Variants in ADAMTS20 observed in about 807,000 individuals in gnomAD.
ADAMTS20 encodes the protein A disintegrin and metalloproteinase with thrombospondin motifs 20.
A neutral mutation model predicts 260.1 loss-of-function variants in ADAMTS20; 225 were observed. That is an observed-to-expected ratio of 0.87 (90% CI 0.78 to 0.97). The LOEUF (loss-of-function observed/expected upper bound fraction) is 0.97. Among genes scored for constraint, ADAMTS20 ranks in the 50% least tolerant of loss-of-function variants. The pLI, the probability that ADAMTS20 is intolerant of heterozygous loss-of-function variation, is 0.00. For missense variants in ADAMTS20, 2,400 were observed against 2,337.7 expected (o/e 1.03, Z -0.55); for synonymous variants, 802 against 769.5 (o/e 1.04, Z -0.70).
At chr12:43,398,916 G>T in intron 29 of ADAMTS20, 150 bp downstream of exon 29, 1 of 411,580 alleles carries the variant, frequency 2.4e-6, no homozygotes, top group Non-Finnish European at 4.0e-6. Flanking sequence ...ACACTGTTTA[G>T]TATTAATACT....
chr12:43,371,057 A>G lies in ADAMTS20; in HGVS notation c.5447-1676T>C, dbSNP rs78551924. Reference sequence around the variant, plus strand: ...AACTTGCAAGATAAAATTCAATTGTATAGTTTAGTATGCACTGTTCTTCAT... The same window carrying G: ...AACTTGCAAGATAAAATTCAATTGTGTAGTTTAGTATGCACTGTTCTTCAT... On this transcript the variant is annotated intron_variant, in intron 36 of 38. Coordinates refer to ENST00000389420, the MANE Select transcript of ADAMTS20 (RefSeq NM_025003.5). Among the ~76,000 whole-genome samples, 176 of 152,250 alleles carry G rather than the reference A, an allele frequency of 1.2e-3. 2 individuals are homozygous for G. The East Asian group carries it at 0.03, about 26-fold the overall frequency.
chr12:43,375,519 C>T lies in ADAMTS20; in HGVS notation c.5313-7G>A, dbSNP rs1434365225. Reference sequence around the variant, plus strand: ...TTGATATGGATTTTTTAGTCTGTAACAACATTGGGATATTTTAGTATTAGA... The same window carrying T: ...TTGATATGGATTTTTTAGTCTGTAATAACATTGGGATATTTTAGTATTAGA... On this transcript the variant is annotated splice_polypyrimidine_tract_variant and splice_region_variant and intron_variant, in intron 35 of 38. Transcript: ENST00000389420. The T allele has an allele frequency of 6.2e-7, 1 of 1,612,354 alleles. No individual in the cohort carries two copies. The highest frequency in any genetic ancestry group is 1.3e-5 in the African/African-American group (1 of 74,826).
chr12:43,423,859 T>C, intron 28 of ADAMTS20: 1 of 723,354 alleles, frequency 1.4e-6, no homozygotes, highest in Non-Finnish European at 2.5e-6. Context: ...CATGGCAAAA[T>C]ATGTTTTTCA....
intron 31 of ADAMTS20, among the ~76,000 whole-genome samples, chr12:43,382,462 G>A (rs1940374750): frequency 6.6e-6 from 1 of 152,116 alleles, no homozygotes; most frequent in South Asian, 2.1e-4. Context: ...CAGATTAGTG[G>A]TTGTCTGAGA....
intron 15 of ADAMTS20, among the ~76,000 whole-genome samples, chr12:43,444,492 A>G (rs1213637513): frequency 6.6e-6 from 1 of 152,180 alleles, no homozygotes; most frequent in Non-Finnish European, 1.5e-5. Flanking sequence ...TTGTTATGAG[A>G]AAAGTAAAAA....
At chr12:43,380,382 G>T (rs2137219825) in intron 31 of ADAMTS20, among the ~76,000 whole-genome samples, 1 of 152,194 alleles carries the variant, frequency 6.6e-6, no homozygotes, top group East Asian at 1.9e-4. Flanking sequence ...GAACAAGACT[G>T]AAATGTCTGT....
In ADAMTS20 at chr12:43,425,629, C is replaced by T. The variant is rs1941318093; in HGVS notation, c.4169G>A (p.Gly1390Asp). 1 of 1,609,944 alleles carries T rather than the reference C, an allele frequency of 6.2e-7. No individual in the cohort carries two copies. Among genetic ancestry groups the T allele is most frequent in the Non-Finnish European group, 8.5e-7 (1 of 1,177,466 alleles). The change falls in exon 28 of 39, where the codon GGC becomes GAC. Residue 1390 changes from glycine (G) to aspartate (D), a missense_variant. Gly to Asp is a moderately conservative substitution (Grantham distance 94). Transcript: ENST00000389420. Reference sequence around the variant, plus strand: ...ACAGTTGTGATCTTCTAATATTTGGCCATTGGGAAATTGACATATTACAAG... The same window carrying T: ...ACAGTTGTGATCTTCTAATATTTGGTCATTGGGAAATTGACATATTACAAG... ...SRLVICQFPNGQILEDHNCEI... is the reference protein window; with the variant it reads ...SRLVICQFPNDQILEDHNCEI...
chr12:43,366,162 G>A (rs747138649), intron 37 of ADAMTS20, among the ~76,000 whole-genome samples: 5 of 151,656 alleles, frequency 3.3e-5, no homozygotes, highest in African/African-American at 7.3e-5. Flanking sequence ...AATATATATA[G>A]CAATTCTAAC....
intron 28 of ADAMTS20, among the ~76,000 whole-genome samples, chr12:43,409,624 A>AAAAAAAAAAAAAAC (rs1565684968): frequency 2.8e-5 from 4 of 140,500 alleles, no homozygotes; most frequent in African/African-American, 1.0e-4. Context: ...AAAAAAAAAA[A>AAAAAAAAAAAAAAC]AAAAAACAAG....
rs746546373 is a variant in ADAMTS20, at chr12:43,356,601, T to C, written c.5539-13A>G. On this transcript the variant is annotated splice_polypyrimidine_tract_variant and intron_variant, in intron 37 of 38. Coordinates refer to ENST00000389420, the MANE Select transcript of ADAMTS20 (RefSeq NM_025003.5). Reference sequence around the variant, plus strand: ...TGCTAAACTGTCCCTGGATTGTAAATAAAACAAAGAAAAATAGATGGAATT... The same window carrying C: ...TGCTAAACTGTCCCTGGATTGTAAACAAAACAAAGAAAAATAGATGGAATT... 7 of 1,573,464 alleles carry C rather than the reference T, an allele frequency of 4.4e-6. No individual in the cohort carries two copies. Among genetic ancestry groups the C allele is most frequent in the East Asian group, 2.2e-5 (1 of 44,510 alleles).
chr12:43,481,003 T>G (rs1942432993), intron 7 of ADAMTS20, among the ~76,000 whole-genome samples: 1 of 152,172 alleles, frequency 6.6e-6, no homozygotes, highest in Non-Finnish European at 1.5e-5. Flanking sequence ...GTTTGTTAAT[T>G]AGCTTGATTT....
chr12:43,526,417 C>A (rs966643580), intron 3 of ADAMTS20, among the ~76,000 whole-genome samples: 2 of 152,074 alleles, frequency 1.3e-5, no homozygotes, highest in African/African-American at 4.8e-5. Flanking sequence ...GAGATCGTGC[C>A]ACTGCACTCC....
At position 43,443,816 on chromosome 12, in the gene ADAMTS20, A is replaced by G; in HGVS notation, c.2265T>C (p.Ser755=). ...CAAGGTAACTGTCATCTGGTTGTCC[A>G]GAATAGCTGTACTGACGAATGTCAA... ...TNVDIRQYSY[S]GQPDDSYLAL... is the part of the protein sequence containing the mutation. The change falls in exon 16 of 39, where the codon TCT becomes TCC. Residue 755 remains serine, a synonymous_variant. Coordinates refer to ENST00000389420, the MANE Select transcript of ADAMTS20 (RefSeq NM_025003.5). 1 of 1,612,644 alleles carries G rather than the reference A, an allele frequency of 6.2e-7. No individual in the cohort carries two copies. The highest frequency in any genetic ancestry group is 1.3e-5 in the African/African-American group (1 of 75,042).
chr12:43,368,359 T>C (rs1006567397), intron 37 of ADAMTS20, among the ~76,000 whole-genome samples: 18 of 152,106 alleles, frequency 1.2e-4, no homozygotes, highest in Non-Finnish European at 2.5e-4. Flanking sequence ...CACTTTCCGT[T>C]TGAGTTTCTG....
chr12:43,515,655 A>C (rs1942990382), intron 3 of ADAMTS20, among the ~76,000 whole-genome samples: 1 of 152,202 alleles, frequency 6.6e-6, no homozygotes, highest in Admixed American at 6.5e-5. Context: ...TTAGAGATGT[A>C]ATTAAAAGAT....
intron 29 of ADAMTS20, among the ~76,000 whole-genome samples, chr12:43,389,589 C>G (rs950322933): frequency 6.6e-6 from 1 of 152,096 alleles, no homozygotes; most frequent in Non-Finnish European, 1.5e-5. Flanking sequence ...TGCCTATGGC[C>G]CTTCCAGACT....
At position 43,439,763 on chromosome 12, in the gene ADAMTS20, T is replaced by C. The variant is rs1941625587; in HGVS notation, c.2464-12A>G. On this transcript the variant is annotated splice_polypyrimidine_tract_variant and intron_variant, in intron 17 of 38. Transcript: ENST00000389420. ...CCCACACACAACACCTCAATAAGAA[T>C]ATAAAAGAACATACAATTAATACAT... is the stretch of plus-strand genomic sequence containing the variant. 6.3e-7 allele frequency: 1 copy of C among 1,598,286 alleles called. No individual in the cohort carries two copies.
In ADAMTS20 at chr12:43,551,116, G is replaced by C; in HGVS notation, c.246C>G (p.Phe82Leu). ...GCTGGAAGAGCTGCCCGTAGGCAGT[G>C]AAGCGATAGTGGGTTCGGAACGGCA... ...EPMPFRTHYR[F>L]TAYGQLFQLN... Residue 82 changes from phenylalanine to leucine, a missense_variant, in exon 2 of 39, where the codon TTC becomes TTG. Physicochemically the swap from Phe to Leu is conservative, Grantham distance 22. Transcript: ENST00000389420. This position sits in a 1 kb window ranked among gnomAD's most constrained non-coding sequence, Gnocchi z 4.6. 2 of 1,613,958 alleles carry C rather than the reference G, an allele frequency of 1.2e-6. No homozygotes were observed. Among genetic ancestry groups the C allele is most frequent in the Middle Eastern group, 1.6e-4 (1 of 6,062 alleles).
intron 28 of ADAMTS20, among the ~76,000 whole-genome samples, chr12:43,420,100 A>C (rs944433527): frequency 9.2e-5 from 14 of 152,322 alleles, no homozygotes; most frequent in Non-Finnish European, 2.1e-4. Flanking sequence ...TACAATCTTC[A>C]TTACTAATTC....
Sources: gnomAD v4.1 joint callset for allele counts (sites outside exome capture counted in the v4.1 genomes callset) on GRCh38, gnomAD v4.1.1 for gene constraint, Gnocchi (gnomAD v3.1) non-coding constraint, MANE v1.5 for transcripts, NCBI Gene and HGNC (gene_info 2026-07-23, HGNC 2026-07-21) for gene names.